POPDC2: variants seen among roughly 807,000 people sequenced by gnomAD.
POPDC2 encodes the protein popeye domain cAMP effector 2, also known as popeye domain-containing protein 2.
In POPDC2, 24 loss-of-function variants were observed where a neutral mutation model predicts 30.5. The ratio of observed to expected loss-of-function variants is 0.79; its 90% CI spans 0.57 to 1.11. The LOEUF is 1.11. Ranked by LOEUF, POPDC2 falls within the 50% of genes least tolerant of loss-of-function variation. POPDC2 has a pLI of 0.00. For missense variants in POPDC2, 409 were observed against 447.0 expected, an observed-to-expected ratio of 0.91 and a Z score of 0.77; for synonymous variants, 185 against 183.3, an observed-to-expected ratio of 1.01 and a Z score of -0.07.
intron 2 of POPDC2, 81 bp downstream of exon 2, chr3:119,654,424 G>A (rs2052853533): frequency 1.1e-6 from 1 of 948,840 alleles, no homozygotes; most frequent in Admixed American, 1.8e-5. Context: ...ACAGATGTAA[G>A]AGGGGAAACA....
upstream of POPDC2, chr3:119,660,646 CT>C: frequency 1.2e-5 from 4 of 332,474 alleles, no homozygotes; most frequent in South Asian, 4.2e-5. Context: ...CTCTCTCTCT[CT>C]CCCCCTCTCC....
chr3:119,642,296 T>C lies in POPDC2; in HGVS notation c.*309A>G. On this transcript the variant is annotated 3_prime_UTR_variant, in exon 4 of 4. Coordinates refer to ENST00000493094, the MANE Select transcript of POPDC2 (RefSeq NM_001369919.2). ...GCTCCTGAAGGAAGGTTTGTGAGGG[T>C]GAATTTCTCAAAGTCACTTCAGGTC... The C allele has an allele frequency of 2.1e-6, 1 of 476,784 alleles. No individual in the cohort carries two copies. Among genetic ancestry groups the C allele is most frequent in the Non-Finnish European group, 3.8e-6 (1 of 261,134 alleles). The allele number at this position is 476,784 out of a possible 1,614,324, so 29.5% of individuals were successfully genotyped here. A position where few individuals can be genotyped will look rare whatever the true frequency, so the allele number is the denominator to read the frequency against.
At chr3:119,657,974 G>A (rs2052898073) in intron 1 of POPDC2, among the ~76,000 whole-genome samples, 1 of 152,210 alleles carries the variant, frequency 6.6e-6, no homozygotes, top group African/African-American at 2.4e-5. Context: ...CCCTCTCTGA[G>A]TTTTGAAAGA....
At chr3:119,645,369 T>C (rs2052734136) in intron 3 of POPDC2, among the ~76,000 whole-genome samples, 1 of 152,172 alleles carries the variant, frequency 6.6e-6, no homozygotes, top group South Asian at 2.1e-4. Context: ...GAGACCATCC[T>C]GGCTAACACG....
chr3:119,644,085 C>T (rs1383384716), intron 3 of POPDC2, among the ~76,000 whole-genome samples: 2 of 152,134 alleles, frequency 1.3e-5, no homozygotes, highest in African/African-American at 2.4e-5. Context: ...TTTATTGAAT[C>T]GTTTCTCTTG....
rs1425957296 is a variant in POPDC2, at chr3:119,645,580, A to AG, written c.*43+2538_*43+2539insC. Among the ~76,000 whole-genome samples the AG allele has an allele frequency of 1.1e-4, 17 of 151,704 alleles. No homozygotes were observed. In the South Asian group the frequency reaches 1.9e-3, roughly 17 times the overall value. On this transcript the variant is annotated intron_variant, in intron 3 of 3. Transcript: ENST00000493094. ...TCCGTCTCAAACAAAAAAAAAAAAA[A>AG]AAAGAAAGAAAAAGAAAAGGAAAAG...
chr3:119,655,850 G>A (rs2052873617), intron 1 of POPDC2, among the ~76,000 whole-genome samples: 1 of 152,166 alleles, frequency 6.6e-6, no homozygotes, highest in Non-Finnish European at 1.5e-5. Flanking sequence ...GTAGATGGTA[G>A]TGGACTCTCC....
chr3:119,651,431 A>G (rs997243461), intron 2 of POPDC2, among the ~76,000 whole-genome samples: 4 of 151,646 alleles, frequency 2.6e-5, no homozygotes, highest in Non-Finnish European at 5.9e-5. Context: ...CATTATGCCT[A>G]TGGCTTTTTG....
chr3:119,643,085 C>T (rs940270329), intron 3 of POPDC2, among the ~76,000 whole-genome samples: 8 of 152,178 alleles, frequency 5.3e-5, no homozygotes, highest in Non-Finnish European at 7.4e-5. Context: ...GTAGAGGTGG[C>T]ACGACCCTCT....
rs2052768042 is a variant in POPDC2, at chr3:119,648,342, A to AG, written c.926dup (p.Cys310LeufsTer29). 1 of 1,614,068 alleles carries AG rather than the reference A, an allele frequency of 6.2e-7. No homozygotes were observed. The highest frequency in any genetic ancestry group is 1.6e-4 in the Middle Eastern group (1 of 6,062). On this transcript the variant is annotated frameshift_variant, in exon 3 of 4. Transcript: ENST00000493094. LOFTEE classifies it high-confidence loss of function. ...TGGTGGTAGCTGGAGGGGTAGAACAAGGGGGTGTTTGCTGGAGAGAGGTGG... is the reference window on the plus strand; with the variant it reads ...TGGTGGTAGCTGGAGGGGTAGAACAAGGGGGGTGTTTGCTGGAGAGAGGTGG...
chr3:119,648,058 C>G (rs562899048), intron 3 of POPDC2, 61 bp downstream of exon 3: 2 of 1,327,090 alleles, frequency 1.5e-6, no homozygotes, highest in Non-Finnish European at 2.0e-6. Context: ...TTTGCCCTAA[C>G]AAGCTGAGTT....
rs549891030 is a variant in POPDC2 at position 119,642,397 on chromosome 3, A to T, written c.*208T>A. The T allele has an allele frequency of 9.7e-5, 98 of 1,014,110 alleles. 3 individuals are homozygous for T. In the South Asian group the frequency reaches 1.2e-3, roughly 13 times the overall value. 62.8% of individuals were successfully genotyped at this position (1,014,110 alleles called of 1,614,324 possible). On this transcript the variant is annotated 3_prime_UTR_variant, in exon 4 of 4. Transcript: ENST00000493094. Reference sequence around the variant, plus strand: ...TGTGAGCCTTCCAGTGGGTGGGAAAAGAGGCATGCCTATCAGTGGCCATTC... The same window carrying T: ...TGTGAGCCTTCCAGTGGGTGGGAAATGAGGCATGCCTATCAGTGGCCATTC...
intron 2 of POPDC2, among the ~76,000 whole-genome samples, chr3:119,653,106 T>C (rs2698283): frequency 0.68 from 103,328 of 152,006 alleles, 35,731 homozygotes; most frequent in South Asian, 0.76. Context: ...TCTGGTGACC[T>C]TCCCATTTTA....
rs764633457 is a variant in POPDC2 at position 119,659,936 on chromosome 3, CCAGAGAG to C, written c.481_487del (p.Leu161AlafsTer5). The C allele has an allele frequency of 1.6e-5, 26 of 1,584,252 alleles. No homozygotes were observed. The highest frequency in any genetic ancestry group is 2.2e-5 in the Non-Finnish European group (25 of 1,160,034). On this transcript the variant is annotated frameshift_variant, in exon 1 of 4. Transcript: ENST00000493094. LOFTEE classifies it high-confidence loss of function. ...GGCAATGGATAGAGTAGCTTACCGG[CCAGAGAG>C]CAGCAGGGACAGGCGGTTGATGGGT...
chr3:119,643,261 G>A (rs548969465), intron 3 of POPDC2: 3 of 729,162 alleles, frequency 4.1e-6, no homozygotes, highest in South Asian at 3.2e-5. Flanking sequence ...ACTCTAATCT[G>A]CCTCCTCCCA....
At chr3:119,657,648 G>A (rs538901623) in intron 1 of POPDC2, among the ~76,000 whole-genome samples, 2 of 152,354 alleles carry the variant, frequency 1.3e-5, no homozygotes, top group African/African-American at 4.8e-5. Context: ...GCATATGTCA[G>A]CTCCTTAGGC....
intron 2 of POPDC2, among the ~76,000 whole-genome samples, chr3:119,653,326 A>G (rs1163376052): frequency 1.3e-5 from 2 of 152,176 alleles, no homozygotes; most frequent in Non-Finnish European, 2.9e-5. Context: ...AATAAGTGAG[A>G]GCTACAAAGA....
In POPDC2 at chr3:119,648,417, C is replaced by G. The variant is rs1210830111; in HGVS notation, c.852G>C (p.Lys284Asn). ...CTGGCTCACAGACTTCCTCATCACC[C>G]TTCTCGGACTCTGGTCCAGCATCTG... Reference protein sequence around the residue: ...TAADAGPESEKGDEEVCEPAV... With the variant: ...TAADAGPESENGDEEVCEPAV... The change falls in exon 3 of 4, where the codon AAG becomes AAC. Residue 284 changes from lysine to asparagine, a missense_variant. Lys to Asn is a moderately conservative substitution (Grantham distance 94). Coordinates refer to ENST00000493094, the MANE Select transcript of POPDC2 (RefSeq NM_001369919.2). 1.9e-6 allele frequency: 3 copies of G among 1,614,056 alleles called. No homozygotes were observed. Among genetic ancestry groups the G allele is most frequent in the Admixed American group, 3.3e-5 (2 of 60,002 alleles).
At chr3:119,644,767 T>G (rs2052726815) in intron 3 of POPDC2, among the ~76,000 whole-genome samples, 1 of 152,174 alleles carries the variant, frequency 6.6e-6, no homozygotes, top group Non-Finnish European at 1.5e-5. Context: ...TTTTGATAAC[T>G]AAAGAGCCAG....
Sources: gnomAD v4.1 joint callset for allele counts (sites outside exome capture counted in the v4.1 genomes callset) on GRCh38, gnomAD v4.1.1 for gene constraint, MANE v1.5 for transcripts, NCBI Gene and HGNC (gene_info 2026-07-23, HGNC 2026-07-21) for gene names.